The following CACNG4 variants were observed in gnomAD, a reference collection of about 807,000 sequenced individuals.
CACNG4 encodes the protein calcium voltage-gated channel auxiliary subunit gamma 4.
Under a neutral mutation model 22.9 loss-of-function variants are expected in CACNG4, and 8 were observed. That is an observed-to-expected ratio of 0.35 (90% CI 0.21 to 0.63). The LOEUF (loss-of-function observed/expected upper bound fraction) is 0.63, where lower values mean the gene tolerates loss of function less well. CACNG4 is among the 30% of genes least tolerant of loss of function. CACNG4 has a pLI of 0.72. For synonymous variants in CACNG4, 188 were observed against 191.9 expected, an observed-to-expected ratio of 0.98 and a Z score of 0.17; for missense variants, 357 against 455.4, an observed-to-expected ratio of 0.78 and a Z score of 1.97.
At chr17:67,018,332 G>A (rs753612032) in intron 2 of CACNG4, 60 bp downstream of exon 2, 131 of 1,317,734 alleles carry the variant, frequency 9.9e-5, no homozygotes, top group Middle Eastern at 1.8e-4. Flanking sequence ...GGGGGAAGGC[G>A]GCCGGAGGAA....
intron 1 of CACNG4, among the ~76,000 whole-genome samples, chr17:66,979,354 T>C (rs572621244): frequency 6.8e-6 from 1 of 147,818 alleles, no homozygotes; most frequent in Admixed American, 6.8e-5. Context: ...AAGCATTTCC[T>C]AGATAAAAAT....
chr17:66,971,152 A>C (rs964216607), intron 1 of CACNG4, among the ~76,000 whole-genome samples: 4 of 152,240 alleles, frequency 2.6e-5, no homozygotes, highest in African/African-American at 9.6e-5. Context: ...TCTCTGTCAT[A>C]CAAACCCCGG....
chr17:66,994,598 A>G (rs2035362507), intron 1 of CACNG4, among the ~76,000 whole-genome samples: 1 of 152,200 alleles, frequency 6.6e-6, no homozygotes, highest in Non-Finnish European at 1.5e-5. Flanking sequence ...GTGTCATGCA[A>G]GTAGAAAGCA....
intron 1 of CACNG4, among the ~76,000 whole-genome samples, chr17:66,997,204 A>G (rs2035380599): frequency 6.6e-6 from 1 of 152,204 alleles, no homozygotes; most frequent in Non-Finnish European, 1.5e-5. Flanking sequence ...AGGAAGAGTT[A>G]TGCAAACCCA....
intron 1 of CACNG4, among the ~76,000 whole-genome samples, chr17:66,990,829 C>T (rs2035335718): frequency 6.6e-6 from 1 of 151,758 alleles, no homozygotes; most frequent in African/African-American, 2.4e-5. Context: ...TACAGGCGCC[C>T]GCCACCATGC....
intron 1 of CACNG4, among the ~76,000 whole-genome samples, chr17:67,015,736 T>C (rs564963304): frequency 7.0e-4 from 106 of 152,306 alleles, no homozygotes; most frequent in Middle Eastern, 3.4e-3. Flanking sequence ...GACTCCTTTT[T>C]CTTTTTCAAC....
chr17:67,014,216 C>A (rs2035483833), intron 1 of CACNG4, among the ~76,000 whole-genome samples: 1 of 152,180 alleles, frequency 6.6e-6, no homozygotes, highest in African/African-American at 2.4e-5. Flanking sequence ...GATAGCACAG[C>A]AAATGGCCCA....
At chr17:66,991,329 C>T (rs934597832) in intron 1 of CACNG4, among the ~76,000 whole-genome samples, 1 of 149,576 alleles carries the variant, frequency 6.7e-6, no homozygotes, top group Non-Finnish European at 1.5e-5. Flanking sequence ...CCCAAACAAA[C>T]AAACAAACAA....
intron 1 of CACNG4, among the ~76,000 whole-genome samples, chr17:67,004,196 T>C (rs917578786): frequency 6.6e-6 from 1 of 152,224 alleles, no homozygotes; most frequent in Non-Finnish European, 1.5e-5. Flanking sequence ...CAAGCAGCAG[T>C]TATCCAGTAG....
At chr17:66,993,060 T>C (rs932072210) in intron 1 of CACNG4, among the ~76,000 whole-genome samples, 1 of 152,206 alleles carries the variant, frequency 6.6e-6, no homozygotes, top group Non-Finnish European at 1.5e-5. Flanking sequence ...TGGGACAGGC[T>C]GTGAGAACCC....
At chr17:66,966,100 C>A (rs550293497) in intron 1 of CACNG4, among the ~76,000 whole-genome samples, 1 of 152,174 alleles carries the variant, frequency 6.6e-6, no homozygotes, top group Non-Finnish European at 1.5e-5. Flanking sequence ...GGATTTCAGC[C>A]CCGGGACCGT....
Position 67,010,631 on chromosome 17 carries a change from C to T in CACNG4, c.221-7558C>T, listed in dbSNP as rs183026676. On this transcript the variant is annotated intron_variant, in intron 1 of 3. Transcript: ENST00000262138. ...ATCATGAGGACAGAGCTCTTTCATG[C>T]CCCCATCACCTATCAGCCCAGCTAA... Among the ~76,000 whole-genome samples, 498 of 152,248 alleles carry T rather than the reference C, an allele frequency of 3.3e-3. 1 individual carries two copies. The highest frequency in any genetic ancestry group is 6.8e-3 in the Middle Eastern group (2 of 294).
At chr17:66,991,359 A>G (rs535047933) in intron 1 of CACNG4, among the ~76,000 whole-genome samples, 3 of 151,778 alleles carry the variant, frequency 2.0e-5, no homozygotes, top group Non-Finnish European at 1.5e-5. Flanking sequence ...CTTCCGAAAG[A>G]CCTCTCCTTC....
chr17:67,027,560 G>A lies in CACNG4; in HGVS notation c.445+2560G>A, dbSNP rs1223970075. 6.6e-6 allele frequency among the ~76,000 whole-genome samples: 1 copy of A among 152,236 alleles called. No individual in the cohort carries two copies. The highest frequency in any genetic ancestry group is 2.4e-5 in the African/African-American group (1 of 41,462). Reference sequence around the variant, plus strand: ...GAGGTGGAAAATGGTAGGTGCCACAGGAGAGGGACAGTTTCCAAGGCTGGG... The same window carrying A: ...GAGGTGGAAAATGGTAGGTGCCACAAGAGAGGGACAGTTTCCAAGGCTGGG... On this transcript the variant is annotated intron_variant, in intron 3 of 3. Transcript: ENST00000262138. This position sits in a 1 kb window ranked among gnomAD's most constrained non-coding sequence, Gnocchi z 4.3.
chr17:67,014,057 T>C (rs2035482908), intron 1 of CACNG4, among the ~76,000 whole-genome samples: 2 of 152,142 alleles, frequency 1.3e-5, no homozygotes, highest in African/African-American at 2.4e-5. Flanking sequence ...AGTCTCCCGC[T>C]AGTGGTCTCC....
At chr17:67,022,938 G>A (rs2035540795) in intron 2 of CACNG4, among the ~76,000 whole-genome samples, 1 of 152,244 alleles carries the variant, frequency 6.6e-6, no homozygotes, top group South Asian at 2.1e-4. Context: ...CAAGGCCATT[G>A]TAACAAATGA....
At chr17:67,009,258 C>A (rs940309538) in intron 1 of CACNG4, among the ~76,000 whole-genome samples, 1 of 152,112 alleles carries the variant, frequency 6.6e-6, no homozygotes, top group Non-Finnish European at 1.5e-5. Context: ...GTCATGGAAC[C>A]CCCCAGTGTA....
intron 3 of CACNG4, among the ~76,000 whole-genome samples, chr17:67,025,572 C>T (rs533212187): frequency 6.6e-6 from 1 of 152,382 alleles, no homozygotes; most frequent in Non-Finnish European, 1.5e-5. Flanking sequence ...GCAGGCGGCC[C>T]CCGCCCATCC....
chr17:67,025,245 T>C (rs547268854), intron 3 of CACNG4, among the ~76,000 whole-genome samples: 4 of 152,334 alleles, frequency 2.6e-5, no homozygotes, highest in Admixed American at 2.0e-4. Context: ...GCACAACATT[T>C]TGAATGCGCC....
Sources: gnomAD v4.1 joint callset for allele counts (sites outside exome capture counted in the v4.1 genomes callset) on GRCh38, gnomAD v4.1.1 for gene constraint, Gnocchi (gnomAD v3.1) non-coding constraint, MANE v1.5 for transcripts, NCBI Gene and HGNC (gene_info 2026-07-23, HGNC 2026-07-21) for gene names.